CERKL: variants seen among roughly 807,000 people sequenced by gnomAD.
CERKL encodes ceramide kinase-like protein.
A neutral mutation model predicts 63.4 loss-of-function variants in CERKL; 61 were observed. The observed-to-expected ratio is 0.96, with a 90% CI of 0.78 to 1.19. CERKL has a LOEUF of 1.19. Among genes scored for constraint, CERKL ranks in the 50% most tolerant of loss-of-function variants. The probability of loss-of-function intolerance (pLI) is 0.00; values close to 1 mark genes in which losing one functional copy is unlikely to be tolerated. For missense variants in CERKL, 675 were observed against 655.5 expected (o/e 1.03, Z -0.33); for synonymous variants, 250 against 230.5 (o/e 1.08, Z -0.77).
chr2:181,595,655 C>A (rs1000273788), intron 2 of CERKL, among the ~76,000 whole-genome samples: 2 of 152,134 alleles, frequency 1.3e-5, no homozygotes, highest in Admixed American at 1.3e-4. Context: ...TACCATCTAC[C>A]GGTTGTTTAA....
At position 181,579,427 on chromosome 2, in the gene CERKL, T is replaced by C. The variant is rs1428680674; in HGVS notation, c.482-5543A>G. Among the ~76,000 whole-genome samples, 4 of 151,974 alleles carry C rather than the reference T, an allele frequency of 2.6e-5. 1 individual carries two copies. The highest frequency in any genetic ancestry group is 4.8e-5 in the African/African-American group (2 of 41,270). ...TTTTGTAAATGTTTAAGAGTTATTT[T>C]TTCCATGAACTTTCTATGTATGTCA... On this transcript the variant is annotated intron_variant, in intron 2 of 12. Transcript: ENST00000410087.
rs780579046 is a variant in CERKL at position 181,538,222 on chromosome 2, G to A, written c.1561C>T (p.Leu521Phe). The change falls in exon 13 of 13, where the codon CTT becomes TTT. Residue 521 changes from leucine (L) to phenylalanine (F), a missense_variant. Coordinates refer to ENST00000410087, the MANE Select transcript of CERKL (RefSeq NM_201548.5). The stretch of plus-strand genomic sequence containing the variant: ...ATTTCTTCCATGCTTCCTCCATAAA[G>A]ACTGATAAGTCTTGGATGCAATCTG... ...HIRLHPRLIS[L>F]YGGSMEEMIP... 1.9e-6 allele frequency: 3 copies of A among 1,592,426 alleles called. No homozygotes were observed. Among genetic ancestry groups the A allele is most frequent in the African/African-American group, 2.7e-5 (2 of 74,450 alleles).
intron 5 of CERKL, among the ~76,000 whole-genome samples, chr2:181,556,634 A>G (rs1322296461): frequency 6.6e-6 from 1 of 152,160 alleles, no homozygotes; most frequent in Non-Finnish European, 1.5e-5. Flanking sequence ...TTCTTAATCC[A>G]GTCTATCATT....
chr2:181,553,891 C>G (rs1688094910), intron 5 of CERKL, among the ~76,000 whole-genome samples: 1 of 152,110 alleles, frequency 6.6e-6, no homozygotes, highest in Non-Finnish European at 1.5e-5. Context: ...AAACTGTACT[C>G]TATTTGAAAA....
chr2:181,653,676 T>C (rs1688028591), intron 1 of CERKL, among the ~76,000 whole-genome samples: 1 of 152,162 alleles, frequency 6.6e-6, no homozygotes, highest in South Asian at 2.1e-4. Context: ...GTCACTCACA[T>C]GTAGAATCTT....
chr2:181,588,595 G>A (rs934911083), intron 2 of CERKL, among the ~76,000 whole-genome samples: 1 of 152,030 alleles, frequency 6.6e-6, no homozygotes, highest in African/African-American at 2.4e-5. Context: ...GATTTCCTTT[G>A]GATATATTCC....
At chr2:181,547,073 C>T (rs184504334) in intron 10 of CERKL, among the ~76,000 whole-genome samples, 84 of 152,188 alleles carry the variant, frequency 5.5e-4, no homozygotes, top group African/African-American at 1.7e-3. Context: ...TCTTGTCTGC[C>T]GCCATGTGAG....
At position 181,566,105 on chromosome 2, in the gene CERKL, C is replaced by T. The variant is rs1688655595; in HGVS notation, c.630G>A (p.Gly210=). 6.2e-7 allele frequency: 1 copy of T among 1,610,604 alleles called. No individual in the cohort carries two copies. The highest frequency in any genetic ancestry group is 8.5e-7 in the Non-Finnish European group (1 of 1,177,256). The change falls in exon 4 of 13, where the codon GGG becomes GGA. Residue 210 remains glycine, a synonymous_variant. Transcript: ENST00000410087. ...KTDVTIMEYE[G]HALSLLKECE... The stretch of plus-strand genomic sequence containing the variant: ...ATTCCTTAAGCAGTGACAGAGCGTG[C>T]CCTTCATATTCCATTACTATTAAAA...
chr2:181,555,753 T>G (rs1688175686), intron 5 of CERKL, among the ~76,000 whole-genome samples: 1 of 51,154 alleles, frequency 2.0e-5, no homozygotes, highest in East Asian at 4.9e-4. Flanking sequence ...ATTATTAAAC[T>G]TTTTTTTTTT....
chr2:181,585,693 A>C (rs1315863423), intron 2 of CERKL, among the ~76,000 whole-genome samples: 1 of 152,058 alleles, frequency 6.6e-6, no homozygotes, highest in Non-Finnish European at 1.5e-5. Flanking sequence ...TAGAAAAATC[A>C]TATTTGAGAA....
intron 2 of CERKL, among the ~76,000 whole-genome samples, chr2:181,587,673 C>T (rs1023471277): frequency 6.6e-6 from 1 of 151,992 alleles, no homozygotes; most frequent in African/African-American, 2.4e-5. Flanking sequence ...ATACAATTAA[C>T]CTCATAAAAA....
intron 1 of CERKL, among the ~76,000 whole-genome samples, chr2:181,643,846 G>C (rs986771343): frequency 1.3e-5 from 2 of 152,082 alleles, no homozygotes; most frequent in Non-Finnish European, 2.9e-5. Context: ...TTTCCTTTAC[G>C]GGAAATAATG....
At chr2:181,586,198 G>A (rs1184520540) in intron 2 of CERKL, among the ~76,000 whole-genome samples, 2 of 152,106 alleles carry the variant, frequency 1.3e-5, no homozygotes, top group African/African-American at 2.4e-5. Context: ...TTTTTTTCAT[G>A]AGAAAACAGA....
intron 1 of CERKL, among the ~76,000 whole-genome samples, chr2:181,637,014 T>A (rs11892932): frequency 0.14 from 21,050 of 152,108 alleles, 1,619 homozygotes; most frequent in East Asian, 0.22. Context: ...TAATTGGTGC[T>A]CCCTAAATGT....
At position 181,565,007 on chromosome 2, in the gene CERKL, T is replaced by C. The variant is rs138945644; in HGVS notation, c.677+1051A>G. ...TTACTTCCCTCAATTAGATTCCTTT[T>C]GGAAAAATCATGTTTTACTTACCAC... On this transcript the variant is annotated intron_variant, in intron 4 of 12. Coordinates refer to ENST00000410087, the MANE Select transcript of CERKL (RefSeq NM_201548.5). Among the ~76,000 whole-genome samples, 1,269 of 152,250 alleles carry C rather than the reference T, an allele frequency of 8.3e-3. 18 individuals carry two copies. The highest frequency in any genetic ancestry group is 0.028 in the African/African-American group (1,161 of 41,552).
chr2:181,639,333 A>C (rs1687321336), intron 1 of CERKL, among the ~76,000 whole-genome samples: 1 of 152,208 alleles, frequency 6.6e-6, no homozygotes, highest in African/African-American at 2.4e-5. Flanking sequence ...TAAACTCAGT[A>C]ATGGGTCACA....
At position 181,593,767 on chromosome 2, in the gene CERKL, T is replaced by A. The variant is rs1352582830; in HGVS notation, c.481+10070A>T. Among the ~76,000 whole-genome samples the A allele has an allele frequency of 2.0e-5, 3 of 151,950 alleles. No homozygotes were observed. In the East Asian group the frequency reaches 5.8e-4, roughly 29 times the overall value. On this transcript the variant is annotated intron_variant, in intron 2 of 12. Transcript: ENST00000410087. Reference sequence around the variant, plus strand: ...CCTGCATAGCCCATTGATGGACTCCTTTCCAGTGTTGCGACATTTTTAATA... The same window carrying A: ...CCTGCATAGCCCATTGATGGACTCCATTCCAGTGTTGCGACATTTTTAATA...
chr2:181,577,678 A>C (rs1479122888), intron 2 of CERKL, among the ~76,000 whole-genome samples: 1 of 152,064 alleles, frequency 6.6e-6, no homozygotes, highest in African/African-American at 2.4e-5. Flanking sequence ...AGGCTAGGGG[A>C]TGTACAGAGA....
Position 181,611,085 on chromosome 2 carries a change from T to C in CERKL, c.239-7006A>G, listed in dbSNP as rs180946377. On this transcript the variant is annotated intron_variant, in intron 1 of 12. Coordinates refer to ENST00000410087, the MANE Select transcript of CERKL (RefSeq NM_201548.5). ...TAAAAATACAAAAATGAGCCAGGCA[T>C]GATGGTGTGCACCTGTAACCCCAGC... is the stretch of plus-strand genomic sequence containing the variant. Among the ~76,000 whole-genome samples, 38 of 151,970 alleles carry C rather than the reference T, an allele frequency of 2.5e-4. No homozygotes were observed. In the East Asian group the frequency reaches 6.4e-3, roughly 26 times the overall value.
Sources: gnomAD v4.1 joint callset for allele counts (sites outside exome capture counted in the v4.1 genomes callset) on GRCh38, gnomAD v4.1.1 for gene constraint, MANE v1.5 for transcripts, NCBI Gene and HGNC (gene_info 2026-07-23, HGNC 2026-07-21) for gene names.